TNFAIP8: variants seen among roughly 807,000 people sequenced by gnomAD.
TNFAIP8 encodes tumor necrosis factor alpha-induced protein 8.
A neutral mutation model predicts 13.3 loss-of-function variants in TNFAIP8; 7 were observed. The observed-to-expected ratio is 0.52, with a 90% CI of 0.30 to 0.99. The LOEUF (loss-of-function observed/expected upper bound fraction) is 0.99, where lower values mean the gene tolerates loss of function less well. TNFAIP8 is among the 50% of genes least tolerant of loss of function. The pLI is 0.07. For synonymous variants in TNFAIP8, 94 were observed against 87.6 expected (o/e 1.07, Z -0.41); for missense variants, 258 against 236.9 (o/e 1.09, Z -0.58).
At chr5:119,322,303 TA>T (rs1361653938) in intron 1 of TNFAIP8, among the ~76,000 whole-genome samples, 1 of 152,222 alleles carries the variant, frequency 6.6e-6, no homozygotes, top group Admixed American at 6.5e-5. Context: ...GTAAATGACC[TA>T]TACATACTTG....
chr5:119,279,494 A>G (rs910238617), intron 1 of TNFAIP8, among the ~76,000 whole-genome samples: 6 of 152,198 alleles, frequency 3.9e-5, no homozygotes, highest in Non-Finnish European at 8.8e-5. Flanking sequence ...TGTATTTGTG[A>G]GAACCCAATG....
At chr5:119,307,709 A>C (rs921497274) in intron 1 of TNFAIP8, among the ~76,000 whole-genome samples, 3 of 152,268 alleles carry the variant, frequency 2.0e-5, no homozygotes, top group Non-Finnish European at 2.9e-5. Context: ...TAAATTGTGC[A>C]TCTTACAACC....
intron 1 of TNFAIP8, among the ~76,000 whole-genome samples, chr5:119,309,447 TCACAGGGGCAGCTGC>T (rs998448572): frequency 2.4e-4 from 37 of 152,284 alleles, no homozygotes; most frequent in East Asian, 9.7e-4. Context: ...GTGATGCTTG[TCACAGGGGCAGCTGC>T]CACAGGGGCA....
chr5:119,353,475 T>A (rs1431757011), upstream of TNFAIP8, among the ~76,000 whole-genome samples: 1 of 152,172 alleles, frequency 6.6e-6, no homozygotes, highest in African/African-American at 2.4e-5. Flanking sequence ...CTTATTCACA[T>A]AAAGCCTTTT....
In TNFAIP8 at chr5:119,290,356, C is replaced by T. The variant is rs375648598; in HGVS notation, c.1+21449C>T. On this transcript the variant is annotated intron_variant, in intron 1 of 1. Transcript: ENST00000274456. ...TCAACAGATATCTGAACATTCTCTG[C>T]GGCTGGAGAATCCAGTTCTAAGCTG... 4.6e-5 allele frequency among the ~76,000 whole-genome samples: 7 copies of T among 152,306 alleles called. No individual in the cohort carries two copies. The East Asian group carries it at 9.6e-4, about 21-fold the overall frequency.
chr5:119,339,137 A>C (rs1750653503), intron 1 of TNFAIP8, among the ~76,000 whole-genome samples: 1 of 152,184 alleles, frequency 6.6e-6, no homozygotes, highest in Admixed American at 6.5e-5. Context: ...ATTCTACAGC[A>C]ATTCTAGACT....
In TNFAIP8 at chr5:119,338,568, G is replaced by T. The variant is rs1750635952; in HGVS notation, c.2-54248G>T. 2.6e-5 allele frequency among the ~76,000 whole-genome samples: 4 copies of T among 152,226 alleles called. No individual in the cohort carries two copies. In the South Asian group the frequency reaches 8.3e-4, roughly 31 times the overall value. ...TGTTGGACAGCAGGCTTGAGGAAAT[G>T]GGCAAAAGCATTGATCAGTTGTGCA... On this transcript the variant is annotated intron_variant, in intron 1 of 1. Transcript: ENST00000274456.
chr5:119,377,359 G>A (rs1333464719), intron 1 of TNFAIP8, among the ~76,000 whole-genome samples: 1 of 151,964 alleles, frequency 6.6e-6, no homozygotes, highest in Non-Finnish European at 1.5e-5. Context: ...ACTCCAGCCT[G>A]GGCAACAGAG....
At chr5:119,281,306 A>ACACACACACTCTCTCT in intron 1 of TNFAIP8, among the ~76,000 whole-genome samples, 4 of 114,214 alleles carry the variant, frequency 3.5e-5, no homozygotes, top group Admixed American at 9.4e-5. Context: ...ACACACACAC[A>ACACACACACTCTCTCT]CTCTCTCTCT....
At chr5:119,342,701 T>C (rs369621822) in intron 1 of TNFAIP8, among the ~76,000 whole-genome samples, 36 of 152,218 alleles carry the variant, frequency 2.4e-4, no homozygotes, top group African/African-American at 8.0e-4. Flanking sequence ...AGAATCTCCA[T>C]TGGTCACCCA....
At position 119,395,510 on chromosome 5, in the gene TNFAIP8, T is replaced by C. The variant is rs1267703881; in HGVS notation, c.*2129T>C. The C allele has an allele frequency of 6.6e-6, 1 of 152,164 alleles. No individual in the cohort carries two copies. Among genetic ancestry groups the C allele is most frequent in the Admixed American group, 6.5e-5 (1 of 15,272 alleles). The allele number at this position is 152,164 out of a possible 1,614,324, so 9.4% of individuals were successfully genotyped here. On this transcript the variant is annotated 3_prime_UTR_variant, in exon 2 of 2. Coordinates refer to ENST00000504771, the MANE Select transcript of TNFAIP8 (RefSeq NM_014350.4). ...GGATCTCTCTGGACACACTGGATCA[T>C]AGGGTTGTGCCAGCAGGCTAGCAAT... is the stretch of plus-strand genomic sequence containing the variant.
chr5:119,312,573 A>T (rs73235231), intron 1 of TNFAIP8, among the ~76,000 whole-genome samples: 1,545 of 152,048 alleles, frequency 0.01, 16 homozygotes, highest in African/African-American at 0.035. Flanking sequence ...ACATTTGTTT[A>T]AAGGGAAGAG....
intron 1 of TNFAIP8, among the ~76,000 whole-genome samples, chr5:119,348,751 A>G (rs1751002561): frequency 6.6e-6 from 1 of 152,030 alleles, no homozygotes; most frequent in African/African-American, 2.4e-5. Context: ...AGGGTGGCAC[A>G]TGCCTGTAAT....
chr5:119,368,354 A>G (rs1265906120), intron 1 of TNFAIP8, among the ~76,000 whole-genome samples: 1 of 148,914 alleles, frequency 6.7e-6, no homozygotes, highest in Non-Finnish European at 1.5e-5. Context: ...CCGAAATAAT[A>G]TAATTTTCCC....
At chr5:119,389,899 G>A (rs918414061) in intron 1 of TNFAIP8, among the ~76,000 whole-genome samples, 7 of 152,124 alleles carry the variant, frequency 4.6e-5, no homozygotes, top group Non-Finnish European at 8.8e-5. Flanking sequence ...CAGTAAATGG[G>A]GAATGATCTT....
chr5:119,368,439 G>A (rs1027932224), intron 1 of TNFAIP8, among the ~76,000 whole-genome samples: 24 of 136,660 alleles, frequency 1.8e-4, no homozygotes, highest in Non-Finnish European at 3.3e-4. Context: ...GCGTGTGTGT[G>A]TGTGTGTGTG....
rs771746591 is a variant in TNFAIP8, at chr5:119,276,113, G to GT, written c.1+7219dup. On this transcript the variant is annotated intron_variant, in intron 1 of 1. Transcript: ENST00000274456. ...TTTAATCAGTCTTTCGTTAAGTTCTGTTTTTTTTTTTTTCTTTTTTTTGAG... is the reference window on the plus strand; with the variant it reads ...TTTAATCAGTCTTTCGTTAAGTTCTGTTTTTTTTTTTTTTCTTTTTTTTGAG... Among the ~76,000 whole-genome samples the GT allele has an allele frequency of 6.4e-3, 923 of 143,754 alleles. 1 individual carries two copies. Among genetic ancestry groups the GT allele is most frequent in the East Asian group, 0.015 (77 of 5,002 alleles). 94.3% of individuals were successfully genotyped at this position (143,754 alleles called of 152,430 possible).
At chr5:119,342,921 T>G (rs761126032) in intron 1 of TNFAIP8, among the ~76,000 whole-genome samples, 1 of 152,250 alleles carries the variant, frequency 6.6e-6, no homozygotes, top group Non-Finnish European at 1.5e-5. Context: ...AATTCCCATC[T>G]GGGATTTATT....
chr5:119,364,895 A>G (rs7731552), intron 1 of TNFAIP8, among the ~76,000 whole-genome samples: 13,122 of 121,808 alleles, frequency 0.11, 877 homozygotes, highest in African/African-American at 0.23. Context: ...TCTGTCGCCC[A>G]TGCTGGAGTG....
Sources: gnomAD v4.1 joint callset for allele counts (sites outside exome capture counted in the v4.1 genomes callset) on GRCh38, gnomAD v4.1.1 for gene constraint, MANE v1.5 for transcripts, NCBI Gene and HGNC (gene_info 2026-07-23, HGNC 2026-07-21) for gene names.